LGI4: variants seen among roughly 807,000 people sequenced by gnomAD.
The protein encoded by LGI4 is leucine-rich repeat LGI family member 4.
LGI4 carries 36 observed loss-of-function variants against 48.3 expected under a neutral mutation model. The ratio of observed to expected loss-of-function variants is 0.75; its 90% confidence interval spans 0.57 to 0.98. The LOEUF (loss-of-function observed/expected upper bound fraction) is 0.98, where lower values mean the gene tolerates loss of function less well. LGI4 is among the 50% of genes least tolerant of loss of function. The pLI, the probability that LGI4 is intolerant of heterozygous loss-of-function variation, is 0.00. For synonymous variants in LGI4, 355 were observed against 331.6 expected (o/e 1.07, Z -0.77); for missense variants, 701 against 732.1 (o/e 0.96, Z 0.49).
At chr19:35,133,311 C>T in intron 3 of LGI4, 2 of 1,097,524 alleles carry the variant, frequency 1.8e-6, no homozygotes, top group Non-Finnish European at 1.1e-6. Context: ...AGTATCACCA[C>T]CACTACCTAA....
Position 35,134,612 on chromosome 19 carries a change from TG to T in LGI4, c.68del (p.Pro23GlnfsTer45). The T allele has an allele frequency of 1.9e-6, 3 of 1,587,582 alleles. No homozygotes were observed. Among genetic ancestry groups the T allele is most frequent in the Admixed American group, 1.8e-5 (1 of 56,062 alleles). On this transcript the variant is annotated frameshift_variant, in exon 1 of 9. Coordinates refer to ENST00000310123, the MANE Select transcript of LGI4 (RefSeq NM_139284.3). LOFTEE classifies it high-confidence loss of function. ...GAGVVVAWRP[P>X]KGKCPLRCSC... ...AGCAGCGCAGGGGACACTTTCCCTT[TG>T]GGGGTCTCCAGGCCACCACCACCCC...
rs1481999537 is a variant in LGI4, at chr19:35,126,914, G to GCGGC, written c.728_731dup (p.Cys245ProfsTer76). The GCGGC allele has an allele frequency of 6.2e-7, 1 of 1,613,720 alleles. No homozygotes were observed. Among genetic ancestry groups the GCGGC allele is most frequent in the Non-Finnish European group, 8.5e-7 (1 of 1,179,938 alleles). Reference sequence around the variant, plus strand: ...TGTAGTCCCAGGAGAGAATCAGGCAGCGGCCGGCGAAGGGCTGTGCCAGCA... The same window carrying GCGGC: ...TGTAGTCCCAGGAGAGAATCAGGCAGCGGCCGGCCGGCGAAGGGCTGTGCCAGCA... On this transcript the variant is annotated frameshift_variant, in exon 7 of 9. Coordinates refer to ENST00000310123, the MANE Select transcript of LGI4 (RefSeq NM_139284.3). LOFTEE classifies it high-confidence loss of function.
intron 6 of LGI4, chr19:35,130,958 G>A (rs887858842): frequency 2.5e-5 from 11 of 448,974 alleles, no homozygotes; most frequent in South Asian, 4.9e-5. Context: ...TCATCATTCT[G>A]TGCTCTCTGC....
At chr19:35,129,868 C>T (rs570431944) in intron 6 of LGI4, among the ~76,000 whole-genome samples, 137 of 151,984 alleles carry the variant, frequency 9.0e-4, no homozygotes, top group East Asian at 7.8e-3. Context: ...TCCCTGGGAA[C>T]GGAATGTCTC....
At position 35,125,415 on chromosome 19, in the gene LGI4, G is replaced by A. The variant is rs1443067436; in HGVS notation, c.1392C>T (p.Asp464=). ...AGTCGCTGCCTAGGATGGCCAGCTG[G>A]TCCCTGGCGATGAGCAGTGGCTGGA... ...HVFQPLLIAR[D]QLAILGSDFA... The change falls in exon 9 of 9, where the codon GAC becomes GAT. Residue 464 remains aspartate, a synonymous_variant. Transcript: ENST00000310123. 1 of 1,610,390 alleles carries A rather than the reference G, an allele frequency of 6.2e-7. No homozygotes were observed. The highest frequency in any genetic ancestry group is 1.1e-5 in the South Asian group (1 of 90,616).
chr19:35,131,713 A>G, intron 5 of LGI4, 76 bp downstream of exon 5: 2 of 1,407,734 alleles, frequency 1.4e-6, no homozygotes, highest in East Asian at 2.5e-5. Context: ...CACGCCAACC[A>G]GAAGTGGGCA....
chr19:35,125,141 G>C lies in LGI4; in HGVS notation c.*52C>G. On this transcript the variant is annotated 3_prime_UTR_variant, in exon 9 of 9. Transcript: ENST00000310123. ...TCACCCCAAGTAGGGCCAGGAGCCA[G>C]CCAAGGGGCCGTCCAGGGGCCCCAG... 1 of 1,470,756 alleles carries C rather than the reference G, an allele frequency of 6.8e-7. No homozygotes were observed. Among genetic ancestry groups the C allele is most frequent in the Non-Finnish European group, 9.1e-7 (1 of 1,098,934 alleles). 91.1% of individuals were successfully genotyped at this position (1,470,756 alleles called of 1,614,324 possible).
chr19:35,126,154 G>T (rs1417413972), intron 8 of LGI4, 116 bp downstream of exon 8: 1 of 1,152,466 alleles, frequency 8.7e-7, no homozygotes, highest in Non-Finnish European at 1.2e-6. Flanking sequence ...ATCAGTGTGG[G>T]GTGGGGTCCT....
intron 3 of LGI4, 107 bp from the exon 4 acceptor site, chr19:35,132,149 C>T (rs944721030): frequency 1.5e-5 from 14 of 911,866 alleles, no homozygotes; most frequent in Middle Eastern, 2.1e-4. Flanking sequence ...TCCAATACCA[C>T]GGACAATCCC....
At position 35,133,718 on chromosome 19, in the gene LGI4, C is replaced by T; in HGVS notation, c.289G>A (p.Ala97Thr). Residue 97 changes from alanine (A) to threonine (T), a missense_variant, in exon 3 of 9, where the codon GCG becomes ACG. Around this residue, in one of 3 missense-constraint regions of LGI4, gnomAD observed 462 missense variants for 436.4 expected, o/e 1.06. Transcript: ENST00000310123. The part of the protein sequence containing the change: ...SFSVIEDDAF[A>T]GLSHLQYLFI... Reference sequence around the variant, plus strand: ...AGGTACTGCAGGTGGGACAGGCCCGCAAATGCATCGTCCTCAATCACGGAG... The same window carrying T: ...AGGTACTGCAGGTGGGACAGGCCCGTAAATGCATCGTCCTCAATCACGGAG... The T allele has an allele frequency of 1.2e-6, 2 of 1,608,796 alleles. No individual in the cohort carries two copies. Among genetic ancestry groups the T allele is most frequent in the Non-Finnish European group, 1.7e-6 (2 of 1,178,036 alleles).
rs373451548 is a variant in LGI4 at position 35,131,866 on chromosome 19, G to A, written c.387-6C>T. ...GATGGTTATTGGCCAGGCTTCTGGT[G>A]GAGGAAGAGAAGGCACCGTCAGCAG... is the stretch of plus-strand genomic sequence containing the variant. On this transcript the variant is annotated splice_polypyrimidine_tract_variant and splice_region_variant and intron_variant, in intron 4 of 8. Transcript: ENST00000310123. 6.4e-7 allele frequency: 1 copy of A among 1,570,834 alleles called. No individual in the cohort carries two copies. Among genetic ancestry groups the A allele is most frequent in the African/African-American group, 1.4e-5 (1 of 74,008 alleles).
chr19:35,130,773 C>A (rs562774199), intron 6 of LGI4, among the ~76,000 whole-genome samples: 1 of 152,320 alleles, frequency 6.6e-6, no homozygotes, highest in East Asian at 1.9e-4. Flanking sequence ...CCCCCCAGCT[C>A]TGTGTGGCCC....
chr19:35,124,638 A>G lies in LGI4; in HGVS notation c.*555T>C, dbSNP rs1463505870. Reference sequence around the variant, plus strand: ...CCTCCCTGTGCCCCGGCGCACGCGCAAGAGGCGCAAAAGGCACAGCTTGCT... The same window carrying G: ...CCTCCCTGTGCCCCGGCGCACGCGCGAGAGGCGCAAAAGGCACAGCTTGCT... On this transcript the variant is annotated 3_prime_UTR_variant, in exon 9 of 9. Transcript: ENST00000310123. 6.6e-6 allele frequency: 1 copy of G among 152,336 alleles called. No individual in the cohort carries two copies. Among genetic ancestry groups the G allele is most frequent in the Non-Finnish European group, 1.5e-5 (1 of 68,106 alleles). 9.4% of individuals were successfully genotyped at this position (152,336 alleles called of 1,614,324 possible).
In LGI4 at chr19:35,131,414, G is replaced by A. The variant is rs1352098412; in HGVS notation, c.600C>T (p.Asp200=). The change falls in exon 6 of 9, where the codon GAC becomes GAT. Residue 200 remains aspartate (D), a synonymous_variant. Coordinates refer to ENST00000310123, the MANE Select transcript of LGI4 (RefSeq NM_139284.3). ...TGGCTCTGCACTTGAAAGTCTTGGGGTCGAGGTGGTGGAGCTGCATGTGGC... is the reference window on the plus strand; with the variant it reads ...TGGCTCTGCACTTGAAAGTCTTGGGATCGAGGTGGTGGAGCTGCATGTGGC... ...SLSHMQLHHL[D]PKTFKCRAIE... The A allele has an allele frequency of 1.9e-6, 3 of 1,551,996 alleles. No individual in the cohort carries two copies. The highest frequency in any genetic ancestry group is 2.4e-5 in the South Asian group (2 of 84,054).
chr19:35,125,552 T>C, intron 8 of LGI4, 45 bp from the exon 9 acceptor site: 1 of 1,462,574 alleles, frequency 6.8e-7, no homozygotes, highest in South Asian at 1.4e-5. Flanking sequence ...CGGGGGTCTC[T>C]GGGGGCCGTG....
At chr19:35,134,382 G>A (rs1346157637) in intron 1 of LGI4, 129 bp downstream of exon 1, 6 of 980,956 alleles carry the variant, frequency 6.1e-6, no homozygotes, top group Non-Finnish European at 9.1e-6. Flanking sequence ...ATCCCGACAG[G>A]CTTTGCTGCC....
intron 4 of LGI4, 43 bp from the exon 5 acceptor site, chr19:35,131,903 C>T: frequency 6.4e-7 from 1 of 1,562,478 alleles, no homozygotes; most frequent in Non-Finnish European, 8.7e-7. Context: ...CACAAGGATA[C>T]CCTGTGTTCC....
In LGI4 at chr19:35,134,514, G is replaced by A; in HGVS notation, c.167C>T (p.Ser56Leu). ...LPVSFSPTLLSLSLVRTGVTQ... is the reference protein window; with the variant it reads ...LPVSFSPTLLLLSLVRTGVTQ... ...ATGCAGAAGGCTGGACACTCACAGTGACAGCAGGGTCGGAGAGAAGCTGAC... is the reference window on the plus strand; with the variant it reads ...ATGCAGAAGGCTGGACACTCACAGTAACAGCAGGGTCGGAGAGAAGCTGAC... Residue 56 changes from serine (S) to leucine (L), a missense_variant, in exon 1 of 9, where the codon TCA (serine) becomes TTA (leucine). Ser to Leu is a moderately radical substitution (Grantham distance 145). Coordinates refer to ENST00000310123, the MANE Select transcript of LGI4 (RefSeq NM_139284.3). The A allele has an allele frequency of 6.3e-7, 1 of 1,578,618 alleles. No individual in the cohort carries two copies. Among genetic ancestry groups the A allele is most frequent in the Non-Finnish European group, 8.6e-7 (1 of 1,162,412 alleles).
chr19:35,130,992 A>G (rs549742463), intron 6 of LGI4: 5 of 547,554 alleles, frequency 9.1e-6, no homozygotes, highest in South Asian at 4.3e-5. Context: ...CTAAAAGGCA[A>G]CAAAATCTAT....
Sources: allele counts gnomAD v4.1 joint callset (sites outside exome capture counted in the v4.1 genomes callset), GRCh38; gene constraint gnomAD v4.1.1; regional missense constraint gnomAD v4.1.1; transcripts MANE v1.5; gene names NCBI Gene and HGNC (gene_info 2026-07-23, HGNC 2026-07-21).